NEGR1: variants seen among roughly 807,000 people sequenced by gnomAD.
NEGR1 encodes the protein neuronal growth regulator 1.
Under a neutral mutation model 40.9 loss-of-function variants are expected in NEGR1, and 10 were observed. The observed-to-expected ratio is 0.24, with a 90% confidence interval of 0.15 to 0.42. The LOEUF is 0.42. Among genes scored for constraint, NEGR1 ranks in the 10% least tolerant of loss-of-function variants. The pLI, the probability that NEGR1 is intolerant of heterozygous loss-of-function variation, is 1.00. For synonymous variants in NEGR1, 185 were observed against 166.8 expected, an observed-to-expected ratio of 1.11 and a Z score of -0.84; for missense variants, 352 against 438.9, an observed-to-expected ratio of 0.80 and a Z score of 1.77.
chr1:71,683,736 C>G (rs918894164), intron 4 of NEGR1, among the ~76,000 whole-genome samples: 1 of 148,450 alleles, frequency 6.7e-6, no homozygotes, highest in Non-Finnish European at 1.5e-5. Context: ...ATTTGCTTTT[C>G]CTATTTTTAA....
At chr1:71,575,507 G>T (rs1648934220) in intron 6 of NEGR1, among the ~76,000 whole-genome samples, 1 of 152,214 alleles carries the variant, frequency 6.6e-6, no homozygotes, top group Admixed American at 6.5e-5. Context: ...TTCCCAGTTG[G>T]GCACGGTGGC....
intron 2 of NEGR1, among the ~76,000 whole-genome samples, chr1:71,922,273 C>T (rs2101884083): frequency 6.6e-6 from 1 of 152,222 alleles, no homozygotes; most frequent in African/African-American, 2.4e-5. Context: ...TTTCTCCAGT[C>T]TACAATCACT....
intron 4 of NEGR1, among the ~76,000 whole-genome samples, chr1:71,618,058 G>A (rs904732246): frequency 6.6e-6 from 1 of 152,158 alleles, no homozygotes; most frequent in Non-Finnish European, 1.5e-5. Context: ...TGCATTCAAA[G>A]CCAAACTGGA....
chr1:72,018,046 C>T (rs945662252), intron 1 of NEGR1, among the ~76,000 whole-genome samples: 5 of 151,948 alleles, frequency 3.3e-5, no homozygotes, highest in African/African-American at 1.2e-4. Context: ...TTTTATCTGG[C>T]TCATTGAAGG....
At chr1:72,196,083 G>A (rs764508854) in intron 1 of NEGR1, among the ~76,000 whole-genome samples, 3 of 151,922 alleles carry the variant, frequency 2.0e-5, no homozygotes, top group Admixed American at 1.3e-4. Context: ...TGAAAGGAGC[G>A]TATTGTGGAG....
chr1:71,911,671 C>T (rs1388039735), intron 2 of NEGR1, among the ~76,000 whole-genome samples: 2 of 152,144 alleles, frequency 1.3e-5, no homozygotes, highest in African/African-American at 4.8e-5. Context: ...GATCTTTAGT[C>T]TCTGAAGTGT....
intron 1 of NEGR1, among the ~76,000 whole-genome samples, chr1:72,145,713 C>A (rs540969056): frequency 1.6e-4 from 25 of 152,198 alleles, no homozygotes; most frequent in African/African-American, 5.5e-4. Context: ...CACTGTTTCT[C>A]TGAATGATTC....
At chr1:72,136,657 C>CA (rs1227030046) in intron 1 of NEGR1, among the ~76,000 whole-genome samples, 16,154 of 123,810 alleles carry the variant, frequency 0.13, 1,213 homozygotes, top group Non-Finnish European at 0.18. Flanking sequence ...AAAAAAAAGG[C>CA]AAAAAAAAAA....
chr1:71,512,441 G>C (rs1647080998), intron 6 of NEGR1, among the ~76,000 whole-genome samples: 6 of 151,830 alleles, frequency 4.0e-5, no homozygotes, highest in Admixed American at 3.3e-4. Context: ...TATCTAGTTT[G>C]AGTACAGTGT....
Position 71,803,335 on chromosome 1 carries a change from T to C in NEGR1, c.410-27038A>G, listed in dbSNP as rs140816188. The stretch of plus-strand genomic sequence containing the variant: ...GAAACCATCCCTAATAGCATCTTGA[T>C]CATGAAGTCCTATAAAAATAACTAT... On this transcript the variant is annotated intron_variant, in intron 2 of 6. Coordinates refer to ENST00000357731, the MANE Select transcript of NEGR1 (RefSeq NM_173808.3). 2.4e-4 allele frequency among the ~76,000 whole-genome samples: 36 copies of C among 152,288 alleles called. 1 individual carries two copies. The East Asian group carries it at 6.2e-3, about 26-fold the overall frequency.
At chr1:72,051,164 C>A (rs1267800899) in intron 1 of NEGR1, among the ~76,000 whole-genome samples, 2 of 151,440 alleles carry the variant, frequency 1.3e-5, no homozygotes, top group Non-Finnish European at 3.0e-5. Flanking sequence ...ATGTAAATTT[C>A]AGAGACATAT....
intron 4 of NEGR1, 140 bp from the exon 5 acceptor site, chr1:71,611,286 G>T: frequency 1.4e-6 from 1 of 721,550 alleles, no homozygotes; most frequent in South Asian, 1.9e-5. Flanking sequence ...CATTTTCAGT[G>T]TTTTATGCTT....
intron 2 of NEGR1, among the ~76,000 whole-genome samples, chr1:71,798,734 C>A (rs1657432161): frequency 6.6e-6 from 1 of 152,020 alleles, no homozygotes; most frequent in Non-Finnish European, 1.5e-5. Flanking sequence ...AAAACAAAAA[C>A]AGTAGAGCTT....
At chr1:72,230,630 CTTATAACCAAAGTACACTCTGAA>C (rs368627783) in intron 1 of NEGR1, among the ~76,000 whole-genome samples, 51 of 152,228 alleles carry the variant, frequency 3.4e-4, no homozygotes, top group African/African-American at 1.2e-3. Flanking sequence ...TTTAATTTCT[CTTATAACCAAAGTACACTCTGAA>C]TTGGTCTTAT....
intron 2 of NEGR1, among the ~76,000 whole-genome samples, chr1:71,837,816 T>C (rs1236819896): frequency 6.6e-6 from 1 of 152,130 alleles, no homozygotes; most frequent in South Asian, 2.1e-4. Context: ...TCACTCACAA[T>C]TGGGTACTCA....
chr1:71,430,906 C>CCCACCA (rs926078491), intron 6 of NEGR1, among the ~76,000 whole-genome samples: 3 of 151,494 alleles, frequency 2.0e-5, no homozygotes, highest in Non-Finnish European at 4.4e-5. Flanking sequence ...ACTACAGGCG[C>CCCACCA]CCACCACCGG....
chr1:71,638,397 G>A (rs961050774), intron 4 of NEGR1, among the ~76,000 whole-genome samples: 4 of 151,966 alleles, frequency 2.6e-5, no homozygotes, highest in African/African-American at 9.7e-5. Context: ...AAATGAGAAT[G>A]AATTCTTCCT....
At chr1:71,681,029 A>C (rs1456066486) in intron 4 of NEGR1, among the ~76,000 whole-genome samples, 3 of 152,218 alleles carry the variant, frequency 2.0e-5, no homozygotes, top group Non-Finnish European at 4.4e-5. Context: ...CCTGTGCACA[A>C]GTTTTCCATG....
At chr1:71,712,405 A>C (rs1474709238) in intron 3 of NEGR1, among the ~76,000 whole-genome samples, 1 of 152,174 alleles carries the variant, frequency 6.6e-6, no homozygotes, top group African/African-American at 2.4e-5. Flanking sequence ...GGTTCTATAA[A>C]GGTGATGTGA....
Sources: gnomAD v4.1 joint callset for allele counts (sites outside exome capture counted in the v4.1 genomes callset) on GRCh38, gnomAD v4.1.1 for gene constraint, MANE v1.5 for transcripts, NCBI Gene and HGNC (gene_info 2026-07-23, HGNC 2026-07-21) for gene names.